SMPD3: variants seen among roughly 807,000 people sequenced by gnomAD.
The protein encoded by SMPD3 is sphingomyelin phosphodiesterase 3, also known as nSMase-2.
In SMPD3, 21 loss-of-function variants were observed where a neutral mutation model predicts 55.7. The ratio of observed to expected loss-of-function variants is 0.38; its 90% CI spans 0.27 to 0.54. SMPD3 has a LOEUF of 0.54. Ranked by LOEUF, SMPD3 falls within the 20% of genes least tolerant of loss-of-function variation. The probability of loss-of-function intolerance (pLI) is 0.80; values close to 1 mark genes in which losing one functional copy is unlikely to be tolerated. For synonymous variants in SMPD3, 457 were observed against 404.3 expected (o/e 1.13, Z -1.56); for missense variants, 842 against 899.6 (o/e 0.94, Z 0.82).
intron 1 of SMPD3, among the ~76,000 whole-genome samples, chr16:68,417,678 C>T (rs187462036): frequency 6.6e-6 from 1 of 152,210 alleles, no homozygotes; most frequent in Non-Finnish European, 1.5e-5. Flanking sequence ...CCTAGACCTA[C>T]ACGCTACTAG....
intron 2 of SMPD3, among the ~76,000 whole-genome samples, chr16:68,380,592 C>T (rs2089927381): frequency 6.7e-6 from 1 of 148,920 alleles, no homozygotes; most frequent in Admixed American, 6.6e-5. Context: ...TCAGGAGGCC[C>T]TCTGCCCTCA....
At chr16:68,401,197 C>T (rs777641049) in intron 1 of SMPD3, among the ~76,000 whole-genome samples, 1 of 152,216 alleles carries the variant, frequency 6.6e-6, no homozygotes, top group Non-Finnish European at 1.5e-5. Context: ...AGCATCCCTG[C>T]GTCTCACCCC....
At chr16:68,399,600 C>T (rs907250754) in intron 1 of SMPD3, among the ~76,000 whole-genome samples, 1 of 152,178 alleles carries the variant, frequency 6.6e-6, no homozygotes, top group Non-Finnish European at 1.5e-5. Flanking sequence ...CCTTGAGGCC[C>T]AGGCTCCCTA....
intron 3 of SMPD3, among the ~76,000 whole-genome samples, chr16:68,365,594 T>A (rs951469875): frequency 6.6e-6 from 1 of 152,142 alleles, no homozygotes; most frequent in Non-Finnish European, 1.5e-5. Flanking sequence ...ACCCTGCCCC[T>A]CCTGGCCTCG....
intron 1 of SMPD3, among the ~76,000 whole-genome samples, chr16:68,434,869 G>T (rs1160379431): frequency 1.3e-5 from 2 of 152,184 alleles, no homozygotes; most frequent in African/African-American, 4.8e-5. Context: ...GACATCCTCT[G>T]CAGAGTGGTT....
chr16:68,414,515 G>A (rs2090324812), intron 1 of SMPD3, among the ~76,000 whole-genome samples: 1 of 152,232 alleles, frequency 6.6e-6, no homozygotes, highest in Non-Finnish European at 1.5e-5. Flanking sequence ...CTAATGCTAG[G>A]TCTGGCAGTC....
intron 7 of SMPD3, 110 bp from the exon 8 acceptor site, chr16:68,361,869 G>GGGGGGC: frequency 1.3e-6 from 1 of 769,494 alleles, no homozygotes; most frequent in Non-Finnish European, 1.9e-6. Context: ...GGGTGGGTGG[G>GGGGGGC]ACCAAAGCGC....
intron 1 of SMPD3, among the ~76,000 whole-genome samples, chr16:68,445,133 C>T (rs913358044): frequency 6.6e-6 from 1 of 152,220 alleles, no homozygotes; most frequent in Non-Finnish European, 1.5e-5. Context: ...CAGCTTTTTG[C>T]ATTTGGTAAT....
intron 3 of SMPD3, 86 bp from the exon 4 acceptor site, chr16:68,365,178 G>T: frequency 7.3e-7 from 1 of 1,374,758 alleles, no homozygotes; most frequent in South Asian, 1.2e-5. Context: ...ACCCACCCAT[G>T]AGGTCAGACC....
intron 1 of SMPD3, among the ~76,000 whole-genome samples, chr16:68,399,562 C>T (rs913380387): frequency 6.6e-6 from 1 of 152,218 alleles, no homozygotes; most frequent in Admixed American, 6.5e-5. Flanking sequence ...CCATCCATCC[C>T]ATCTTGTGGA....
At chr16:68,377,099 C>T (rs1364775151) in intron 2 of SMPD3, among the ~76,000 whole-genome samples, 1 of 152,226 alleles carries the variant, frequency 6.6e-6, no homozygotes, top group African/African-American at 2.4e-5. Context: ...ACAGAAGTCC[C>T]AGGATCCTGA....
At chr16:68,392,680 G>A (rs1053628627) in intron 1 of SMPD3, among the ~76,000 whole-genome samples, 3 of 151,986 alleles carry the variant, frequency 2.0e-5, no homozygotes, top group East Asian at 1.9e-4. Context: ...TGGCCAACAC[G>A]CGAAACTCTG....
At chr16:68,375,504 C>A (rs1762004790) in intron 2 of SMPD3, among the ~76,000 whole-genome samples, 1 of 152,240 alleles carries the variant, frequency 6.6e-6, no homozygotes, top group Admixed American at 6.5e-5. Context: ...CTCACTTCAT[C>A]AAAGGGTTCC....
chr16:68,370,865 A>T lies in SMPD3; in HGVS notation c.1317T>A (p.Phe439Leu). Residue 439 changes from phenylalanine to leucine, a missense_variant, in exon 3 of 9, where the codon TTT becomes TTA. Phe to Leu is a conservative substitution (Grantham distance 22, BLOSUM62 0). Around this residue, in one of 2 missense-constraint regions of SMPD3, gnomAD observed 649 missense variants for 643.6 expected, o/e 1.01. Coordinates refer to ENST00000219334, the MANE Select transcript of SMPD3 (RefSeq NM_018667.4). ...CTGGGCCGAGGTCTCCTACCTTGAG[A>T]AACAGAGCTCCCTTAGAGGCCAGGG... ...DDALASKGAL[F>L]LKVQVGSTPQ... 1.9e-6 allele frequency: 3 copies of T among 1,613,588 alleles called. No homozygotes were observed. The highest frequency in any genetic ancestry group is 2.5e-6 in the Non-Finnish European group (3 of 1,179,772).
At chr16:68,444,033 T>C (rs1300511123) in intron 1 of SMPD3, among the ~76,000 whole-genome samples, 1 of 152,176 alleles carries the variant, frequency 6.6e-6, no homozygotes, top group Non-Finnish European at 1.5e-5. Flanking sequence ...AGTCAGAAAA[T>C]GTTTCCTCTT....
chr16:68,430,032 C>T (rs2090467193), intron 1 of SMPD3, among the ~76,000 whole-genome samples: 1 of 152,168 alleles, frequency 6.6e-6, no homozygotes, highest in South Asian at 2.1e-4. Flanking sequence ...CCTTCTGTCG[C>T]TGCACCTGTT....
chr16:68,373,633 C>T (rs929883327), intron 2 of SMPD3, among the ~76,000 whole-genome samples: 4 of 152,174 alleles, frequency 2.6e-5, no homozygotes, highest in Admixed American at 2.6e-4. Context: ...TTTCCTCAGT[C>T]CCCATCAGTC....
intron 3 of SMPD3, 59 bp downstream of exon 3, chr16:68,370,800 C>T: frequency 6.3e-7 from 1 of 1,594,978 alleles, no homozygotes; most frequent in Non-Finnish European, 8.5e-7. Flanking sequence ...AGCCCCCCTG[C>T]CTACATGGCT....
intron 1 of SMPD3, among the ~76,000 whole-genome samples, chr16:68,405,674 T>C (rs2090249563): frequency 6.6e-6 from 1 of 152,038 alleles, no homozygotes; most frequent in Non-Finnish European, 1.5e-5. Context: ...GACTTCTCGG[T>C]GTAAAAGTCT....
Sources: allele counts gnomAD v4.1 joint callset (sites outside exome capture counted in the v4.1 genomes callset), GRCh38; gene constraint gnomAD v4.1.1; regional missense constraint gnomAD v4.1.1; transcripts MANE v1.5; gene names NCBI Gene and HGNC (gene_info 2026-07-23, HGNC 2026-07-21).